Variants in FAM228B observed in about 807,000 individuals in gnomAD.
FAM228B encodes protein FAM228B.
Under a neutral mutation model 42.6 loss-of-function variants are expected in FAM228B, and 38 were observed. The ratio of observed to expected loss-of-function variants is 0.89; its 90% CI spans 0.69 to 1.17. FAM228B has a LOEUF of 1.17. FAM228B is among the 50% of genes most tolerant of loss of function. The pLI is 0.00. For synonymous variants in FAM228B, 109 were observed against 122.3 expected, an observed-to-expected ratio of 0.89 and a Z score of 0.72; for missense variants, 344 against 367.3, an observed-to-expected ratio of 0.94 and a Z score of 0.52.
chr2:24,091,547 A>C (rs1665392501), intron 2 of FAM228B, among the ~76,000 whole-genome samples: 1 of 152,256 alleles, frequency 6.6e-6, no homozygotes, highest in South Asian at 2.1e-4. Flanking sequence ...AAAGCTGTCC[A>C]GATGAAAGCT....
rs566376700 is a variant in FAM228B at position 24,137,906 on chromosome 2, T to C, written c.169-3T>C. 1.3e-6 allele frequency: 2 copies of C among 1,508,452 alleles called. No homozygotes were observed. Among genetic ancestry groups the C allele is most frequent in the South Asian group, 2.6e-5 (2 of 76,512 alleles). The allele number at this position is 1,508,452 out of a possible 1,614,324, so 93.4% of individuals were successfully genotyped here. On this transcript the variant is annotated splice_region_variant and splice_polypyrimidine_tract_variant and intron_variant, in intron 3 of 10. Transcript: ENST00000615575. ...ATTTGTCTTTTCTACCACTGTTTAC[T>C]AGGAACTAGATAAGTATTTACAACA...
At chr2:24,098,311 C>T (rs751378875) in intron 3 of FAM228B, among the ~76,000 whole-genome samples, 4 of 151,852 alleles carry the variant, frequency 2.6e-5, no homozygotes, top group Non-Finnish European at 5.9e-5. Context: ...GATAGAGACA[C>T]GAAAACCCTT....
upstream of FAM228B, chr2:24,119,707 T>TTC: frequency 6.4e-7 from 1 of 1,568,454 alleles, no homozygotes; most frequent in Non-Finnish European, 8.7e-7. Flanking sequence ...TAAGAGAATA[T>TTC]TCTGCTCTTG....
Position 24,161,121 on chromosome 2 carries a change from T to C in FAM228B, c.687-385T>C, listed in dbSNP as rs183722746. ...GCAGTCAGTGTATAATAATATTTCC[T>C]ATATAAATGTAAGCTAGTATTGCTT... On this transcript the variant is annotated intron_variant, in intron 7 of 10. Transcript: ENST00000615575. Among the ~76,000 whole-genome samples, 296 of 152,314 alleles carry C rather than the reference T, an allele frequency of 1.9e-3. 1 individual carries two copies. Among genetic ancestry groups the C allele is most frequent in the African/African-American group, 6.6e-3 (275 of 41,570 alleles).
intron 2 of FAM228B, among the ~76,000 whole-genome samples, chr2:24,129,216 T>A (rs1666392378): frequency 6.6e-6 from 1 of 152,084 alleles, no homozygotes; most frequent in Non-Finnish European, 1.5e-5. Context: ...AGGCAGACAG[T>A]TGGGCTGTTT....
chr2:24,150,962 T>C (rs1345399386), intron 7 of FAM228B, among the ~76,000 whole-genome samples: 2 of 152,216 alleles, frequency 1.3e-5, no homozygotes, highest in Non-Finnish European at 2.9e-5. Flanking sequence ...ACTTGAATGT[T>C]GATATCTTTC....
chr2:24,085,405 G>C (rs1169345612), intron 2 of FAM228B, among the ~76,000 whole-genome samples: 1 of 152,078 alleles, frequency 6.6e-6, no homozygotes, highest in Non-Finnish European at 1.5e-5. Flanking sequence ...TAGCTAGTTC[G>C]TTATTGTAGG....
intron 4 of FAM228B, among the ~76,000 whole-genome samples, chr2:24,138,587 G>A (rs770933369): frequency 5.3e-5 from 8 of 151,558 alleles, no homozygotes; most frequent in South Asian, 2.1e-4. Context: ...TGCCTGCCTC[G>A]GCCTCCCAAA....
chr2:24,087,048 A>G (rs113579477), intron 2 of FAM228B, among the ~76,000 whole-genome samples: 1 of 152,306 alleles, frequency 6.6e-6, no homozygotes, highest in Non-Finnish European at 1.5e-5. Flanking sequence ...AAAAAATCTA[A>G]TAATACCAAC....
Position 24,084,382 on chromosome 2 carries a change from AGGACAGGACAGGGCAGGG to A in FAM228B, c.-210+3428_-210+3445del. ...AGGACAGGACAGGGCAGGGCAGGGCAGGACAGGACAGGGCAGGGCAGGACAGGACAGGGCAGGGGCCGC... is the reference window on the plus strand; with the variant it reads ...AGGACAGGACAGGGCAGGGCAGGGCACAGGACAGGACAGGGCAGGGGCCGC... On this transcript the variant is annotated intron_variant, in intron 2 of 10. Transcript: ENST00000613899. This position sits in a 1 kb window ranked among gnomAD's most constrained non-coding sequence, Gnocchi z 8.4. The A allele has an allele frequency of 7.4e-7, 1 of 1,342,704 alleles. No individual in the cohort carries two copies. The highest frequency in any genetic ancestry group is 1.5e-5 in the African/African-American group (1 of 68,624). The allele number at this position is 1,342,704 out of a possible 1,614,324, so 83.2% of individuals were successfully genotyped here. A position where few individuals can be genotyped will look rare whatever the true frequency, so the allele number is the denominator to read the frequency against.
rs183034537 is a variant in FAM228B at position 24,132,147 on chromosome 2, T to C, written c.100-2972T>C. Among the ~76,000 whole-genome samples, 753 of 152,342 alleles carry C rather than the reference T, an allele frequency of 4.9e-3. 2 individuals carry two copies. The highest frequency in any genetic ancestry group is 8.2e-3 in the Non-Finnish European group (558 of 68,032). On this transcript the variant is annotated intron_variant, in intron 2 of 10. Coordinates refer to ENST00000615575, the MANE Select transcript of FAM228B (RefSeq NM_001145710.2). ...TGGATTATGTTTATTGATTTGCATA[T>C]GTGGAACCAGCCTTGCAACGCAGGG...
intron 7 of FAM228B, among the ~76,000 whole-genome samples, chr2:24,160,594 C>G (rs1321300878): frequency 4.0e-5 from 6 of 151,584 alleles, no homozygotes; most frequent in Admixed American, 2.6e-4. Context: ...CTTAAATTTC[C>G]TTTTTTCCCC....
intron 5 of FAM228B, among the ~76,000 whole-genome samples, chr2:24,143,457 A>G (rs765029297): frequency 1.8e-4 from 27 of 152,198 alleles, no homozygotes; most frequent in Admixed American, 3.3e-4. Flanking sequence ...GCCTCCCAAA[A>G]TGCTGGGATT....
rs1666533975 is a variant in FAM228B at position 24,134,586 on chromosome 2, A to G, written c.100-533A>G. 2.0e-5 allele frequency among the ~76,000 whole-genome samples: 3 copies of G among 152,310 alleles called. 1 individual carries two copies. The highest frequency in any genetic ancestry group is 2.0e-4 in the Admixed American group (3 of 15,300). ...GGAAAAGACATTTGAACATTTTGGG[A>G]CTCAAAGTGTCTGTGAGCTGAGTTA... On this transcript the variant is annotated intron_variant, in intron 2 of 10. Transcript: ENST00000615575.
At chr2:24,109,171 C>CAAAA (rs70944716) in intron 3 of FAM228B, among the ~76,000 whole-genome samples, 1 of 96,050 alleles carries the variant, frequency 1.0e-5, no homozygotes. Context: ...AGAGTAATGG[C>CAAAA]AAAAAAAAAA....
At chr2:24,103,562 T>C (rs1238647108) in intron 3 of FAM228B, among the ~76,000 whole-genome samples, 1 of 152,180 alleles carries the variant, frequency 6.6e-6, no homozygotes, top group Non-Finnish European at 1.5e-5. Flanking sequence ...ATGAGAATTA[T>C]AGGAGGCAAC....
chr2:24,089,105 T>G (rs1419014969), intron 2 of FAM228B, among the ~76,000 whole-genome samples: 3 of 152,068 alleles, frequency 2.0e-5, no homozygotes, highest in Admixed American at 1.3e-4. Flanking sequence ...TCCCAGCACT[T>G]TGGGAGGCTG....
intron 3 of FAM228B, among the ~76,000 whole-genome samples, chr2:24,097,966 A>C (rs1483587112): frequency 6.6e-6 from 1 of 152,260 alleles, no homozygotes; most frequent in Non-Finnish European, 1.5e-5. Context: ...ATTAGAACTC[A>C]GGATTAAGAA....
Position 24,084,245 on chromosome 2 carries a change from C to A in FAM228B, c.-210+3290C>A, listed in dbSNP as rs772295889. ...GCCGCCACCTTCAGGAGGACTTCAC[C>A]CTCCCCCGGGCTCGGCTTGGCCACC... On this transcript the variant is annotated intron_variant, in intron 2 of 10. Transcript: ENST00000613899. The surrounding 1 kb of genome is among the most constrained non-coding windows in gnomAD (Gnocchi z 8.4). 1 of 1,614,104 alleles carries A rather than the reference C, an allele frequency of 6.2e-7. No individual in the cohort carries two copies. The highest frequency in any genetic ancestry group is 8.5e-7 in the Non-Finnish European group (1 of 1,179,996).
Sources: gnomAD v4.1 joint callset for allele counts (sites outside exome capture counted in the v4.1 genomes callset) on GRCh38, gnomAD v4.1.1 for gene constraint, Gnocchi (gnomAD v3.1) non-coding constraint, MANE v1.5 for transcripts, NCBI Gene and HGNC (gene_info 2026-07-23, HGNC 2026-07-21) for gene names.